ARMH3: variants seen among roughly 807,000 people sequenced by gnomAD.
ARMH3 encodes the protein armadillo like helical domain containing 3.
A neutral mutation model predicts 99.1 loss-of-function variants in ARMH3; 60 were observed. The ratio of observed to expected loss-of-function variants is 0.61; its 90% CI spans 0.49 to 0.75. The LOEUF (loss-of-function observed/expected upper bound fraction) is 0.75, where lower values mean the gene tolerates loss of function less well. Among genes scored for constraint, ARMH3 ranks in the 30% least tolerant of loss-of-function variants. The pLI, the probability that ARMH3 is intolerant of heterozygous loss-of-function variation, is 0.00. For synonymous variants in ARMH3, 285 were observed against 292.8 expected (o/e 0.97, Z 0.27); for missense variants, 679 against 843.1 (o/e 0.81, Z 2.41).
intron 24 of ARMH3, 132 bp from the exon 25 acceptor site, chr10:101,850,024 T>C: frequency 1.4e-6 from 1 of 694,122 alleles, no homozygotes; most frequent in Non-Finnish European, 2.4e-6. Context: ...ATTACTTATC[T>C]TCCAGAAAAC....
intron 24 of ARMH3, among the ~76,000 whole-genome samples, chr10:101,873,573 C>A (rs2067189136): frequency 6.6e-6 from 1 of 152,116 alleles, no homozygotes; most frequent in African/African-American, 2.4e-5. Context: ...GTAACTATTA[C>A]CATGATCTAA....
intron 1 of ARMH3, among the ~76,000 whole-genome samples, chr10:102,049,393 T>A (rs1405835740): frequency 6.6e-6 from 1 of 151,860 alleles, no homozygotes. Flanking sequence ...AATACAAAAA[T>A]TAGCCACGCA....
intron 23 of ARMH3, among the ~76,000 whole-genome samples, chr10:101,929,010 C>A (rs1015216870): frequency 2.0e-5 from 3 of 152,158 alleles, no homozygotes; most frequent in African/African-American, 7.2e-5. Context: ...GGATTATAGG[C>A]ATGAGCCACC....
intron 8 of ARMH3, among the ~76,000 whole-genome samples, chr10:102,021,162 C>T (rs1046306194): frequency 1.3e-5 from 2 of 151,674 alleles, no homozygotes; most frequent in Admixed American, 1.3e-4. Flanking sequence ...CTGTAACCTC[C>T]ACCTCCTGGG....
intron 4 of ARMH3, 107 bp from the exon 5 acceptor site, chr10:102,029,852 C>A: frequency 8.9e-7 from 1 of 1,123,000 alleles, no homozygotes; most frequent in Non-Finnish European, 1.2e-6. Flanking sequence ...AATTCAATTT[C>A]TCTGAGTTCT....
At chr10:102,031,500 TTTCA>T (rs1554894386) in intron 4 of ARMH3, among the ~76,000 whole-genome samples, 1 of 152,240 alleles carries the variant, frequency 6.6e-6, no homozygotes, top group Non-Finnish European at 1.5e-5. Context: ...AATTTCCAAC[TTTCA>T]TTGAGCCCCT....
At chr10:101,973,339 G>A (rs1472920244) in intron 20 of ARMH3, among the ~76,000 whole-genome samples, 23 of 132,296 alleles carry the variant, frequency 1.7e-4, no homozygotes, top group Non-Finnish European at 2.5e-4. Context: ...CAGGCTGGGC[G>A]ACAGAGCGAG....
chr10:102,027,275 T>C (rs1271705274), intron 5 of ARMH3, among the ~76,000 whole-genome samples: 3 of 130,396 alleles, frequency 2.3e-5, no homozygotes, highest in Admixed American at 8.4e-5. Flanking sequence ...TGAGATTCCG[T>C]CTCAAAAAAA....
Position 102,009,400 on chromosome 10 carries a change from G to A in ARMH3, c.928C>T (p.Arg310Cys), listed in dbSNP as rs763295335. The change falls in exon 13 of 26, where the codon CGC becomes TGC. Residue 310 changes from arginine to cysteine, a missense_variant. Physicochemically the swap from Arg to Cys is radical, Grantham distance 180. Around this residue, in one of 3 missense-constraint regions of ARMH3, gnomAD observed 10 missense variants for 32.0 expected, o/e 0.31. Coordinates refer to ENST00000370033, the MANE Select transcript of ARMH3 (RefSeq NM_024541.3). ...LALYEAVHLN[R>C]NFITVLAQSH... is the part of the protein sequence containing the mutation. ...TGAGCTAATACTGTGATGAAGTTGC[G>A]ATTTAAATGAACAGCTTCATAAAGT... 1.9e-6 allele frequency: 3 copies of A among 1,614,004 alleles called. No individual in the cohort carries two copies. The highest frequency in any genetic ancestry group is 8.5e-7 in the Non-Finnish European group (1 of 1,179,950).
At chr10:101,892,555 T>C (rs2067720036) in intron 23 of ARMH3, among the ~76,000 whole-genome samples, 1 of 152,120 alleles carries the variant, frequency 6.6e-6, no homozygotes, top group Non-Finnish European at 1.5e-5. Flanking sequence ...AGCTTCTTGA[T>C]AGTAAAGAAT....
At chr10:101,985,741 G>A (rs1846469528) in intron 19 of ARMH3, among the ~76,000 whole-genome samples, 1 of 151,990 alleles carries the variant, frequency 6.6e-6, no homozygotes, top group Admixed American at 6.6e-5. Flanking sequence ...CATAGGCCAG[G>A]CGCGGTGGCT....
intron 2 of ARMH3, 188 bp from the exon 3 acceptor site, chr10:102,033,527 C>T: frequency 1.8e-6 from 1 of 570,994 alleles, no homozygotes; most frequent in Non-Finnish European, 2.9e-6. Flanking sequence ...CACGCCATTC[C>T]CCCGCCTCAG....
intron 20 of ARMH3, among the ~76,000 whole-genome samples, chr10:101,968,572 G>C (rs1564804640): frequency 6.6e-6 from 1 of 152,182 alleles, no homozygotes; most frequent in Non-Finnish European, 1.5e-5. Flanking sequence ...GCCTATGAGA[G>C]TTGACATTTT....
chr10:102,013,883 CTCTCTGT>C, intron 9 of ARMH3, 78 bp downstream of exon 9: 1 of 1,148,598 alleles, frequency 8.7e-7, no homozygotes, highest in Non-Finnish European at 1.3e-6. Context: ...TAGCTCTCTG[CTCTCTGT>C]TCTAAATGTA....
chr10:101,950,273 T>C (rs1844726121), intron 22 of ARMH3, among the ~76,000 whole-genome samples: 1 of 152,158 alleles, frequency 6.6e-6, no homozygotes. Flanking sequence ...GATGACAGGA[T>C]ACAAGATCAA....
intron 22 of ARMH3, among the ~76,000 whole-genome samples, chr10:101,950,728 T>C (rs971278526): frequency 2.6e-5 from 4 of 152,234 alleles, no homozygotes; most frequent in Non-Finnish European, 4.4e-5. Flanking sequence ...ATTTCATTTA[T>C]ATAAAATGTC....
chr10:101,876,099 A>C (rs575954732), intron 24 of ARMH3, among the ~76,000 whole-genome samples: 38 of 152,008 alleles, frequency 2.5e-4, no homozygotes, highest in Admixed American at 5.9e-4. Flanking sequence ...ATACAAAAAA[A>C]TCAGCTGGGC....
chr10:101,847,932 G>A (rs1266667123), intron 25 of ARMH3, among the ~76,000 whole-genome samples: 1 of 152,146 alleles, frequency 6.6e-6, no homozygotes, highest in Non-Finnish European at 1.5e-5. Flanking sequence ...TCTCTGCTTT[G>A]GCTATGCAGA....
In ARMH3 at chr10:101,989,880, C is replaced by T. The variant is rs546309605; in HGVS notation, c.1406+671G>A. Among the ~76,000 whole-genome samples the T allele has an allele frequency of 4.6e-5, 7 of 152,310 alleles. No individual in the cohort carries two copies. The South Asian group carries it at 1.5e-3, about 32-fold the overall frequency. On this transcript the variant is annotated intron_variant, in intron 19 of 25. Transcript: ENST00000370033. ...ATGTAGGCTAAGAATGGATCAGAAG[C>T]GCTATCTCTCTCTAAATTCGTCCTA... is the stretch of plus-strand genomic sequence containing the variant.
Sources: allele counts gnomAD v4.1 joint callset (sites outside exome capture counted in the v4.1 genomes callset), GRCh38; gene constraint gnomAD v4.1.1; regional missense constraint gnomAD v4.1.1; transcripts MANE v1.5; gene names NCBI Gene and HGNC (gene_info 2026-07-23, HGNC 2026-07-21).